MSRA: variants seen among roughly 807,000 people sequenced by gnomAD.
The protein encoded by MSRA is mitochondrial peptide methionine sulfoxide reductase.
MSRA carries 54 observed loss-of-function variants against 31.3 expected under a neutral mutation model. The ratio of observed to expected loss-of-function variants is 1.73; its 90% CI spans 1.39 to 2.17. MSRA has a LOEUF of 2.17. MSRA is among the 30% of genes most tolerant of loss of function. MSRA has a pLI of 0.00. For synonymous variants in MSRA, 169 were observed against 116.5 expected (o/e 1.45, Z -2.90); for missense variants, 507 against 300.9 (o/e 1.69, Z -5.07).
chr8:10,109,803 T>C (rs986288392), intron 1 of MSRA, among the ~76,000 whole-genome samples: 1 of 152,228 alleles, frequency 6.6e-6, no homozygotes, highest in South Asian at 2.1e-4. Flanking sequence ...GTTTGATGTC[T>C]TTTTTTCACA....
intron 1 of MSRA, among the ~76,000 whole-genome samples, chr8:10,080,208 G>T (rs549993717): frequency 9.1e-4 from 139 of 152,282 alleles, no homozygotes; most frequent in African/African-American, 3.2e-3. Context: ...CAGTCTAGGG[G>T]AAGTTACTCT....
At chr8:10,184,005 GTGGTGGTGGTGT>G (rs1371326994) in intron 1 of MSRA, among the ~76,000 whole-genome samples, 2 of 84,330 alleles carry the variant, frequency 2.4e-5, no homozygotes, top group East Asian at 4.0e-4. Context: ...TGGCTACTAG[GTGGTGGTGGTGT>G]TGGTGGTGTT....
In MSRA at chr8:10,339,531, C is replaced by CT. The variant is rs774034241; in HGVS notation, c.543+19568dup. 4.0e-3 allele frequency among the ~76,000 whole-genome samples: 288 copies of CT among 72,802 alleles called. 18 individuals carry two copies. Among genetic ancestry groups the CT allele is most frequent in the Non-Finnish European group, 5.1e-3 (208 of 41,092 alleles). The allele number at this position is 72,802 out of a possible 152,430, so 47.8% of individuals were successfully genotyped here. ...GTTAAGCAAGGGGTTTTCTTTCTTT[C>CT]TTTTTTTTTTTTTTTTTTTTTTTTT... On this transcript the variant is annotated intron_variant, in intron 5 of 5. Coordinates refer to ENST00000317173, the MANE Select transcript of MSRA (RefSeq NM_012331.5).
At chr8:10,123,570 A>T (rs1258732150) in intron 1 of MSRA, among the ~76,000 whole-genome samples, 1 of 152,112 alleles carries the variant, frequency 6.6e-6, no homozygotes, top group Admixed American at 6.5e-5. Context: ...TGCTTTTGGC[A>T]TCTTCATTAT....
intron 1 of MSRA, among the ~76,000 whole-genome samples, chr8:10,132,500 G>T (rs1436706692): frequency 6.6e-6 from 1 of 152,158 alleles, no homozygotes; most frequent in Non-Finnish European, 1.5e-5. Flanking sequence ...GGAAGTCCAA[G>T]ATCAAGGCAC....
At chr8:10,372,793 A>G (rs887710265) in intron 5 of MSRA, among the ~76,000 whole-genome samples, 3 of 152,266 alleles carry the variant, frequency 2.0e-5, no homozygotes, top group African/African-American at 7.2e-5. Flanking sequence ...GTCAAGATAG[A>G]CAACTAAAAC....
intron 2 of MSRA, among the ~76,000 whole-genome samples, chr8:10,212,653 C>T (rs755000607): frequency 3.1e-4 from 47 of 152,190 alleles, no homozygotes; most frequent in Non-Finnish European, 6.0e-4. Flanking sequence ...TCTGATTTTA[C>T]AGTTGCAGTT....
At chr8:10,204,928 C>T (rs1260134123) in intron 1 of MSRA, among the ~76,000 whole-genome samples, 1 of 152,158 alleles carries the variant, frequency 6.6e-6, no homozygotes, top group Non-Finnish European at 1.5e-5. Context: ...AGATGCAGTC[C>T]CTGTACAAAC....
intron 1 of MSRA, among the ~76,000 whole-genome samples, chr8:10,103,205 C>G (rs1376969441): frequency 6.6e-6 from 1 of 152,050 alleles, no homozygotes; most frequent in African/African-American, 2.4e-5. Context: ...ACTTTTGCAA[C>G]TTATTTTTAG....
At chr8:10,137,820 T>C (rs1563139082) in intron 1 of MSRA, among the ~76,000 whole-genome samples, 1 of 152,206 alleles carries the variant, frequency 6.6e-6, no homozygotes, top group Non-Finnish European at 1.5e-5. Flanking sequence ...GTTAATTATA[T>C]AGCTATAGGG....
At chr8:10,108,548 C>T (rs998631807) in intron 1 of MSRA, among the ~76,000 whole-genome samples, 4 of 152,170 alleles carry the variant, frequency 2.6e-5, no homozygotes, top group African/African-American at 9.7e-5. Flanking sequence ...ACATTGACCC[C>T]ATCCTCAGAA....
chr8:10,302,756 G>A (rs1314364725), intron 4 of MSRA, among the ~76,000 whole-genome samples: 1 of 152,236 alleles, frequency 6.6e-6, no homozygotes, highest in Non-Finnish European at 1.5e-5. Context: ...GCCTAGGAAG[G>A]AGGCCGGGGG....
At chr8:10,208,529 A>G (rs1338178809) in intron 2 of MSRA, among the ~76,000 whole-genome samples, 2 of 152,052 alleles carry the variant, frequency 1.3e-5, no homozygotes, top group African/African-American at 2.4e-5. Context: ...TTCCTTCAGA[A>G]TATCTCTGCA....
At chr8:10,406,831 G>A (rs1807847654) in intron 5 of MSRA, among the ~76,000 whole-genome samples, 1 of 152,196 alleles carries the variant, frequency 6.6e-6, no homozygotes, top group Non-Finnish European at 1.5e-5. Flanking sequence ...TGCTAGGATG[G>A]CCCTGAGTCT....
At chr8:10,070,152 G>A (rs528577768) in intron 1 of MSRA, among the ~76,000 whole-genome samples, 1 of 152,282 alleles carries the variant, frequency 6.6e-6, no homozygotes, top group Admixed American at 6.5e-5. Flanking sequence ...AAAATAAGAG[G>A]ATTAGGTAGC....
chr8:10,372,794 CA>C (rs1184495921), intron 5 of MSRA, among the ~76,000 whole-genome samples: 8 of 152,200 alleles, frequency 5.3e-5, no homozygotes, highest in African/African-American at 1.9e-4. Context: ...TCAAGATAGA[CA>C]ACTAAAACCA....
intron 1 of MSRA, among the ~76,000 whole-genome samples, chr8:10,121,504 C>T (rs2129018103): frequency 6.6e-6 from 1 of 152,178 alleles, no homozygotes; most frequent in Non-Finnish European, 1.5e-5. Context: ...GCAGGTGTGG[C>T]AGGGGTTTAA....
At chr8:10,261,387 C>T (rs1316550748) in intron 3 of MSRA, among the ~76,000 whole-genome samples, 5 of 86,398 alleles carry the variant, frequency 5.8e-5, no homozygotes, top group Non-Finnish European at 1.2e-4. Context: ...TAATCTGTTA[C>T]TTAAAAAAAA....
At chr8:10,191,302 C>G (rs1004699342) in intron 1 of MSRA, among the ~76,000 whole-genome samples, 2 of 152,142 alleles carry the variant, frequency 1.3e-5, no homozygotes, top group Non-Finnish European at 2.9e-5. Flanking sequence ...AACTGATCAA[C>G]AAAACAAAAC....
Sources: allele counts gnomAD v4.1 joint callset (sites outside exome capture counted in the v4.1 genomes callset), GRCh38; gene constraint gnomAD v4.1.1; transcripts MANE v1.5; gene names NCBI Gene and HGNC (gene_info 2026-07-23, HGNC 2026-07-21).